AKR1B1: variants seen among roughly 807,000 people sequenced by gnomAD.
AKR1B1 encodes aldo-keto reductase family 1 member B.
A neutral mutation model predicts 40.4 loss-of-function variants in AKR1B1; 22 were observed. The observed-to-expected ratio is 0.54, with a 90% CI of 0.39 to 0.78. AKR1B1 has a LOEUF of 0.78. AKR1B1 is among the 30% of genes least tolerant of loss of function. AKR1B1 has a pLI of 0.00. For missense variants in AKR1B1, 357 were observed against 396.7 expected, an observed-to-expected ratio of 0.90 and a Z score of 0.85; for synonymous variants, 157 against 149.9, an observed-to-expected ratio of 1.05 and a Z score of -0.35.
chr7:134,458,419 G>A (rs1342851998), intron 1 of AKR1B1, among the ~76,000 whole-genome samples: 1 of 152,116 alleles, frequency 6.6e-6, no homozygotes, highest in South Asian at 2.1e-4. Flanking sequence ...AGCTGGGTCC[G>A]GGCAAACTCG....
chr7:134,444,633 G>A (rs1056851366), intron 9 of AKR1B1: 25 of 159,836 alleles, frequency 1.6e-4, no homozygotes, highest in Admixed American at 4.6e-4. Context: ...AGTTACATGC[G>A]TCACCTAGTT....
intron 6 of AKR1B1, 134 bp downstream of exon 6, chr7:134,448,253 A>G (rs1806165454): frequency 2.1e-6 from 2 of 962,908 alleles, no homozygotes; most frequent in Non-Finnish European, 3.2e-6. Context: ...CCCTTCCAGG[A>G]AAACCAGCAA....
At chr7:134,452,316 G>T (rs981406079) in intron 1 of AKR1B1, among the ~76,000 whole-genome samples, 2 of 152,102 alleles carry the variant, frequency 1.3e-5, no homozygotes, top group Non-Finnish European at 2.9e-5. Flanking sequence ...TTTATTCAAA[G>T]GCCCATGTGT....
Position 134,450,920 on chromosome 7 carries a change from C to G in AKR1B1, c.235-18G>C. 9 of 1,599,910 alleles carry G rather than the reference C, an allele frequency of 5.6e-6. No homozygotes were observed. The highest frequency in any genetic ancestry group is 7.7e-6 in the Non-Finnish European group (9 of 1,167,232). ...CACCACAGCTAAGCCAGCGAGAGGG[C>G]ACATGTCATCATTGCCAGCCACAAG... On this transcript the variant is annotated intron_variant, in intron 2 of 9. Transcript: ENST00000285930.
intron 2 of AKR1B1, 100 bp downstream of exon 2, chr7:134,451,486 T>C (rs1299351809): frequency 5.6e-6 from 8 of 1,428,806 alleles, no homozygotes; most frequent in Non-Finnish European, 7.9e-6. Flanking sequence ...CGCCCATCAG[T>C]GAAAAGTGTA....
At chr7:134,448,351 A>C in intron 6 of AKR1B1, 36 bp downstream of exon 6, 1 of 1,528,000 alleles carries the variant, frequency 6.5e-7, no homozygotes, top group Non-Finnish European at 9.1e-7. Flanking sequence ...AATCTTCACC[A>C]AGTGACACAG....
intron 9 of AKR1B1, among the ~76,000 whole-genome samples, chr7:134,443,581 GGGCAGGGAGCACAT>G (rs1313686959): frequency 1.4e-4 from 21 of 151,354 alleles, no homozygotes; most frequent in South Asian, 6.3e-4. Context: ...AGGGAGCACA[GGGCAGGGAGCACAT>G]GGCAGGGAGC....
At chr7:134,447,958 G>C (rs1266925504) in intron 7 of AKR1B1, 22 bp downstream of exon 7, 3 of 1,602,950 alleles carry the variant, frequency 1.9e-6, no homozygotes, top group Non-Finnish European at 1.7e-6. Context: ...TGGACGGTCA[G>C]CAACACCTGA....
intron 8 of AKR1B1, 98 bp downstream of exon 8, chr7:134,447,200 T>A: frequency 1.8e-6 from 2 of 1,093,998 alleles, no homozygotes; most frequent in Non-Finnish European, 2.8e-6. Context: ...GAGAGGATGG[T>A]GGTGATCCCA....
intron 1 of AKR1B1, among the ~76,000 whole-genome samples, chr7:134,452,325 G>C (rs924500529): frequency 6.6e-6 from 1 of 152,162 alleles, no homozygotes; most frequent in Non-Finnish European, 1.5e-5. Context: ...AGGCCCATGT[G>C]TCAATTCTCA....
At chr7:134,443,255 C>T (rs940227612) in intron 9 of AKR1B1, among the ~76,000 whole-genome samples, 3 of 152,090 alleles carry the variant, frequency 2.0e-5, no homozygotes, top group African/African-American at 7.2e-5. Flanking sequence ...AATAAAAAAA[C>T]TTTTTAAATT....
Position 134,447,991 on chromosome 7 carries a change from T to C in AKR1B1, c.730A>G (p.Thr244Ala), listed in dbSNP as rs368616250. ...TGAAGTGGCTGTACCTGGGCTGTAGTTTTATTGTGCTTGGCTGCGATCGCC... is the reference window on the plus strand; with the variant it reads ...TGAAGTGGCTGTACCTGGGCTGTAGCTTTATTGTGCTTGGCTGCGATCGCC... The part of the protein sequence containing the change: ...IKAIAAKHNK[T>A]TAQVLIRFPM... The change falls in exon 7 of 10, where the codon ACT becomes GCT. Residue 244 changes from threonine to alanine, a missense_variant. Physicochemically the swap from Thr to Ala is moderately conservative, Grantham distance 58. Transcript: ENST00000285930. 1.1e-5 allele frequency: 18 copies of C among 1,612,398 alleles called. No homozygotes were observed. The highest frequency in any genetic ancestry group is 1.7e-5 in the Admixed American group (1 of 59,824).
chr7:134,455,020 A>C (rs1319216955), intron 1 of AKR1B1, among the ~76,000 whole-genome samples: 1 of 152,122 alleles, frequency 6.6e-6, no homozygotes, highest in East Asian at 1.9e-4. Flanking sequence ...GTGAACAGTA[A>C]ATCTGGCTCC....
intron 1 of AKR1B1, 85 bp downstream of exon 1, chr7:134,458,912 C>T (rs1806580368): frequency 1.9e-5 from 28 of 1,462,008 alleles, no homozygotes; most frequent in Non-Finnish European, 2.6e-5. Flanking sequence ...GCGAGCTGCT[C>T]AGGGTCACTC....
At chr7:134,451,225 T>C (rs1333392554) in intron 2 of AKR1B1, 10 of 527,392 alleles carry the variant, frequency 1.9e-5, no homozygotes, top group South Asian at 6.0e-5. Context: ...TCCTGCCTCA[T>C]GTCCTTTGTG....
At chr7:134,446,470 C>T (rs2734655) in intron 8 of AKR1B1, among the ~76,000 whole-genome samples, 32,032 of 152,202 alleles carry the variant, frequency 0.21, 4,621 homozygotes, top group East Asian at 0.62. Flanking sequence ...GTGCTGCGCT[C>T]GGCACAGATC....
intron 6 of AKR1B1, 115 bp downstream of exon 6, chr7:134,448,272 G>T: frequency 1.9e-6 from 2 of 1,026,134 alleles, no homozygotes; most frequent in Non-Finnish European, 1.5e-6. Flanking sequence ...AAGAGGCTCA[G>T]GGGAAGTTTT....
intron 5 of AKR1B1, 67 bp from the exon 6 acceptor site, chr7:134,448,560 C>T: frequency 8.2e-7 from 1 of 1,223,064 alleles, no homozygotes; most frequent in South Asian, 1.2e-5. Context: ...ACAGATGAAG[C>T]TTCCTATGCT....
At chr7:134,446,455 T>C (rs1806098110) in intron 8 of AKR1B1, among the ~76,000 whole-genome samples, 1 of 152,230 alleles carries the variant, frequency 6.6e-6, no homozygotes, top group Admixed American at 6.5e-5. Context: ...CCCAGGCCCA[T>C]GGCTGTGCTG....
Sources: gnomAD v4.1 joint callset for allele counts (sites outside exome capture counted in the v4.1 genomes callset) on GRCh38, gnomAD v4.1.1 for gene constraint, MANE v1.5 for transcripts, NCBI Gene and HGNC (gene_info 2026-07-23, HGNC 2026-07-21) for gene names.